ZFAND4: variants seen among roughly 807,000 people sequenced by gnomAD.
The protein encoded by ZFAND4 is AN1-type zinc finger protein 4.
ZFAND4 carries 43 observed loss-of-function variants against 64.4 expected under a neutral mutation model. That is an observed-to-expected ratio of 0.67 (90% CI 0.52 to 0.86). ZFAND4 has a LOEUF of 0.86. ZFAND4 is among the 40% of genes least tolerant of loss of function. The pLI is 0.00. For missense variants in ZFAND4, 929 were observed against 859.8 expected (o/e 1.08, Z -1.01); for synonymous variants, 296 against 305.7 (o/e 0.97, Z 0.33).
At chr10:45,623,821 A>G (rs1039332994) in intron 8 of ZFAND4, among the ~76,000 whole-genome samples, 2 of 152,344 alleles carry the variant, frequency 1.3e-5, no homozygotes, top group East Asian at 3.9e-4. Flanking sequence ...AAAAATGTGC[A>G]AATAGATTAT....
chr10:45,657,230 G>T (rs73292831), intron 2 of ZFAND4, among the ~76,000 whole-genome samples: 130 of 152,166 alleles, frequency 8.5e-4, no homozygotes, highest in African/African-American at 3.1e-3. Flanking sequence ...TGCCCAGACT[G>T]GTCTTGAACT....
At chr10:45,669,797 A>G (rs1295023104) in intron 1 of ZFAND4, among the ~76,000 whole-genome samples, 1 of 152,250 alleles carries the variant, frequency 6.6e-6, no homozygotes, top group East Asian at 1.9e-4. Flanking sequence ...TTATCTTAAT[A>G]GATGCAGAAA....
intron 2 of ZFAND4, chr10:45,662,716 T>TATC (rs1339166626): frequency 1.0e-6 from 1 of 957,004 alleles, no homozygotes; most frequent in Non-Finnish European, 1.2e-6. Context: ...AGCTCATATA[T>TATC]ATCCTTGGCC....
chr10:45,631,650 G>T (rs1470114076), intron 6 of ZFAND4, among the ~76,000 whole-genome samples: 1 of 151,996 alleles, frequency 6.6e-6, no homozygotes, highest in Admixed American at 6.6e-5. Flanking sequence ...ACAAACTCAA[G>T]GGAAAAGATG....
chr10:45,652,852 A>G, intron 3 of ZFAND4, 132 bp downstream of exon 3: 1 of 636,850 alleles, frequency 1.6e-6, no homozygotes, highest in Non-Finnish European at 2.7e-6. Context: ...TTCAGGATGT[A>G]TAATGAAATC....
intron 1 of ZFAND4, among the ~76,000 whole-genome samples, chr10:45,668,775 G>A (rs2048994519): frequency 6.6e-6 from 1 of 152,162 alleles, no homozygotes. Flanking sequence ...CATGGAAACT[G>A]AACAACCTGC....
intron 2 of ZFAND4, among the ~76,000 whole-genome samples, chr10:45,656,186 G>C (rs570969328): frequency 1.3e-5 from 2 of 152,012 alleles, no homozygotes; most frequent in Non-Finnish European, 2.9e-5. Context: ...AGCTGAGATC[G>C]CACCACTGCA....
intron 2 of ZFAND4, among the ~76,000 whole-genome samples, chr10:45,661,732 G>A (rs2048483868): frequency 6.6e-6 from 1 of 152,114 alleles, no homozygotes; most frequent in East Asian, 1.9e-4. Context: ...CCTGAGGTCA[G>A]GAGTTCGAGA....
At chr10:45,652,927 C>A in intron 3 of ZFAND4, 57 bp downstream of exon 3, 6 of 1,288,864 alleles carry the variant, frequency 4.7e-6, no homozygotes, top group Non-Finnish European at 6.7e-6. Flanking sequence ...AAAACATTAG[C>A]ATATGGAGTC....
At chr10:45,642,891 A>G (rs2047112241) in intron 5 of ZFAND4, among the ~76,000 whole-genome samples, 1 of 136,494 alleles carries the variant, frequency 7.3e-6, no homozygotes. Flanking sequence ...TTTTAGTGCT[A>G]TATGTAATTT....
Position 45,626,796 on chromosome 10 carries a change from G to A in ZFAND4, c.1027C>T (p.His343Tyr), listed in dbSNP as rs2045863539. ...SNVKLPPQIP[H>Y]LELGNDQELA... ...TCCTGGTCATTTCCCAACTCCAAAT[G>A]GGGTATCTGAGGAGGTAGTTTGACG... The change falls in exon 7 of 10, where the codon CAT becomes TAT. Residue 343 changes from histidine (H) to tyrosine (Y), a missense_variant. Physicochemically the swap from His to Tyr is moderately conservative, Grantham distance 83. Coordinates refer to ENST00000344646, the MANE Select transcript of ZFAND4 (RefSeq NM_174890.4). 1 of 1,614,214 alleles carries A rather than the reference G, an allele frequency of 6.2e-7. No homozygotes were observed. Among genetic ancestry groups the A allele is most frequent in the Non-Finnish European group, 8.5e-7 (1 of 1,180,030 alleles).
At chr10:45,621,293 G>A (rs574523997) in intron 8 of ZFAND4, among the ~76,000 whole-genome samples, 10 of 152,028 alleles carry the variant, frequency 6.6e-5, no homozygotes, top group African/African-American at 2.2e-4. Context: ...AATTCAGAAT[G>A]ATAGTTATTA....
intron 1 of ZFAND4, among the ~76,000 whole-genome samples, chr10:45,671,020 G>A (rs1185832885): frequency 6.6e-6 from 1 of 152,108 alleles, no homozygotes; most frequent in African/African-American, 2.4e-5. Flanking sequence ...GTGGGCAAAG[G>A]ATATGAACAG....
At position 45,658,932 on chromosome 10, in the gene ZFAND4, A is replaced by G. The variant is rs565996307; in HGVS notation, c.184+4610T>C. Among the ~76,000 whole-genome samples the G allele has an allele frequency of 1.5e-4, 23 of 152,346 alleles. No individual in the cohort carries two copies. In the South Asian group the frequency reaches 3.9e-3, roughly 26 times the overall value. ...AAAACCAACAACTTTTCTTTGTGCC[A>G]TCAGAGAAATTAGGTAGTAAGGTAA... On this transcript the variant is annotated intron_variant, in intron 2 of 9. Coordinates refer to ENST00000344646, the MANE Select transcript of ZFAND4 (RefSeq NM_174890.4).
At position 45,663,430 on chromosome 10, in the gene ZFAND4, C is replaced by G; in HGVS notation, c.184+112G>C. On this transcript the variant is annotated intron_variant, in intron 2 of 9. Transcript: ENST00000344646. Reference sequence around the variant, plus strand: ...GTAGGAGGGGGTTCATTATCTTATTCTAACATCATATATGTTTGAAATTGT... The same window carrying G: ...GTAGGAGGGGGTTCATTATCTTATTGTAACATCATATATGTTTGAAATTGT... 3 of 805,518 alleles carry G rather than the reference C, an allele frequency of 3.7e-6. No homozygotes were observed. In the South Asian group the frequency reaches 6.1e-5, roughly 16 times the overall value. The allele number at this position is 805,518 out of a possible 1,614,324, so 49.9% of individuals were successfully genotyped here. A position where few individuals can be genotyped will look rare whatever the true frequency, so the allele number is the denominator to read the frequency against.
chr10:45,620,478 C>CT (rs1378800992), intron 8 of ZFAND4, among the ~76,000 whole-genome samples: 9 of 151,864 alleles, frequency 5.9e-5, no homozygotes, highest in Non-Finnish European at 1.3e-4. Context: ...GGGCGAGACT[C>CT]TGTCTAAAAA....
chr10:45,668,600 T>C (rs1160503242), intron 1 of ZFAND4, among the ~76,000 whole-genome samples: 1 of 152,204 alleles, frequency 6.6e-6, no homozygotes, highest in East Asian at 1.9e-4. Flanking sequence ...GGCAAATTCT[T>C]CTCAGCACCA....
intron 7 of ZFAND4, among the ~76,000 whole-genome samples, chr10:45,625,350 T>C (rs906152937): frequency 2.0e-5 from 3 of 151,338 alleles, no homozygotes; most frequent in African/African-American, 7.2e-5. Flanking sequence ...GGTAGGTGCC[T>C]GTAGTCCCAG....
At chr10:45,640,297 A>T in intron 5 of ZFAND4, 2 of 1,239,126 alleles carry the variant, frequency 1.6e-6, no homozygotes, top group Non-Finnish European at 2.1e-6. Flanking sequence ...ATTTCATTTT[A>T]TCAGCCAAGG....
Sources: gnomAD v4.1 joint callset for allele counts (sites outside exome capture counted in the v4.1 genomes callset) on GRCh38, gnomAD v4.1.1 for gene constraint, MANE v1.5 for transcripts, NCBI Gene and HGNC (gene_info 2026-07-23, HGNC 2026-07-21) for gene names.